Variants in PLCB4 observed in about 807,000 individuals in gnomAD.
The protein encoded by PLCB4 is 1-phosphatidylinositol 4,5-bisphosphate phosphodiesterase beta-4.
PLCB4 carries 77 observed loss-of-function variants against 178.8 expected under a neutral mutation model. The ratio of observed to expected loss-of-function variants is 0.43; its 90% CI spans 0.36 to 0.52. The LOEUF is 0.52. Among genes scored for constraint, PLCB4 ranks in the 20% least tolerant of loss-of-function variants. The pLI is 0.00. For synonymous variants in PLCB4, 496 were observed against 490.8 expected (o/e 1.01, Z -0.14); for missense variants, 1,024 against 1,453.4 (o/e 0.70, Z 4.80).
At chr20:9,307,546 C>CACACAT (rs1568560028) in intron 3 of PLCB4, among the ~76,000 whole-genome samples, 9 of 140,156 alleles carry the variant, frequency 6.4e-5, no homozygotes, top group Non-Finnish European at 6.2e-5. Flanking sequence ...CACACACACA[C>CACACAT]ATCTTGTTAT....
At chr20:9,428,836 T>C (rs1196091602) in intron 28 of PLCB4, among the ~76,000 whole-genome samples, 2 of 152,054 alleles carry the variant, frequency 1.3e-5, no homozygotes, top group African/African-American at 4.8e-5. Flanking sequence ...AAAGCATTGG[T>C]TAAACAAACG....
At position 9,248,344 on chromosome 20, in the gene PLCB4, CT is replaced by C. The variant is rs1385430699; in HGVS notation, c.-16+30895del. 4.6e-5 allele frequency among the ~76,000 whole-genome samples: 7 copies of C among 152,148 alleles called. No individual in the cohort carries two copies. The East Asian group carries it at 1.4e-3, about 29-fold the overall frequency. On this transcript the variant is annotated intron_variant, in intron 3 of 39. Transcript: ENST00000378473. ...TCTTCAGGCCATCTAAATCCTCTGACTTTGAGGTTTTTTGATTTGGTTGAAA... is the reference window on the plus strand; with the variant it reads ...TCTTCAGGCCATCTAAATCCTCTGACTTGAGGTTTTTTGATTTGGTTGAAA...
intron 4 of PLCB4, among the ~76,000 whole-genome samples, chr20:9,323,220 T>C (rs2029862491): frequency 6.6e-6 from 1 of 152,236 alleles, no homozygotes; most frequent in Non-Finnish European, 1.5e-5. Flanking sequence ...TACTCTCCTC[T>C]GTACAGTCCT....
intron 3 of PLCB4, 95 bp from the exon 4 acceptor site, chr20:9,307,705 T>G: frequency 1.9e-6 from 1 of 532,934 alleles, no homozygotes; most frequent in Non-Finnish European, 3.3e-6. Flanking sequence ...ATATTTAAAG[T>G]AAATCTTCTG....
At chr20:9,199,877 A>T (rs976706436) in intron 2 of PLCB4, among the ~76,000 whole-genome samples, 9 of 146,008 alleles carry the variant, frequency 6.2e-5, no homozygotes, top group African/African-American at 2.3e-4. Context: ...ATTAATCTTC[A>T]TCTATTTACA....
chr20:9,278,352 C>A (rs1200902027), intron 3 of PLCB4, among the ~76,000 whole-genome samples: 2 of 151,956 alleles, frequency 1.3e-5, no homozygotes, highest in Non-Finnish European at 2.9e-5. Flanking sequence ...GGTTTCCAGA[C>A]CAGATTTGAT....
intron 33 of PLCB4, among the ~76,000 whole-genome samples, chr20:9,454,711 A>G (rs2042958774): frequency 6.6e-6 from 1 of 152,226 alleles, no homozygotes; most frequent in South Asian, 2.1e-4. Flanking sequence ...CCAAGATCTA[A>G]GTTCATGACA....
chr20:9,413,673 A>AG (rs2040031795), intron 25 of PLCB4, among the ~76,000 whole-genome samples: 1 of 151,758 alleles, frequency 6.6e-6, no homozygotes, highest in South Asian at 2.1e-4. Flanking sequence ...AAAAAAAAAA[A>AG]AAAAGTCCTG....
At chr20:9,471,269 A>G (rs2044172887) in intron 36 of PLCB4, among the ~76,000 whole-genome samples, 1 of 152,206 alleles carries the variant, frequency 6.6e-6, no homozygotes. Context: ...GAACCCAAAG[A>G]TCTCTGATGG....
chr20:9,085,052 CAA>C (rs11474540), intron 1 of PLCB4, among the ~76,000 whole-genome samples: 7 of 41,360 alleles, frequency 1.7e-4, no homozygotes, highest in Admixed American at 2.4e-4. Flanking sequence ...GACTCCATCT[CAA>C]AAAAAAAAAA....
At chr20:9,456,859 A>G (rs1443589122) in intron 33 of PLCB4, among the ~76,000 whole-genome samples, 2 of 152,202 alleles carry the variant, frequency 1.3e-5, no homozygotes, top group Non-Finnish European at 2.9e-5. Flanking sequence ...CGATGTGGAT[A>G]TTCCAAAAGG....
At chr20:9,390,767 A>T (rs1310339244) in intron 17 of PLCB4, 152 bp downstream of exon 17, 6 of 492,782 alleles carry the variant, frequency 1.2e-5, no homozygotes, top group Non-Finnish European at 2.2e-5. Context: ...CTTCAGAGGG[A>T]TGTAAAGAGA....
intron 1 of PLCB4, among the ~76,000 whole-genome samples, chr20:9,076,791 T>C (rs73895488): frequency 0.016 from 2,387 of 152,004 alleles, 46 homozygotes; most frequent in African/African-American, 0.054. Flanking sequence ...GATGCTATTA[T>C]TGGACAAATC....
intron 9 of PLCB4, among the ~76,000 whole-genome samples, chr20:9,370,636 T>C (rs1298849465): frequency 2.6e-5 from 4 of 152,082 alleles, no homozygotes; most frequent in Non-Finnish European, 5.9e-5. Flanking sequence ...GGCCAGGCGC[T>C]GTGGCTCATG....
intron 2 of PLCB4, among the ~76,000 whole-genome samples, chr20:9,131,159 T>C (rs535973686): frequency 6.6e-6 from 1 of 152,296 alleles, no homozygotes; most frequent in Non-Finnish European, 1.5e-5. Flanking sequence ...ATCAGTTCTT[T>C]CTGTTTAGCT....
intron 28 of PLCB4, among the ~76,000 whole-genome samples, chr20:9,426,737 T>A (rs1346653741): frequency 1.3e-5 from 2 of 151,972 alleles, no homozygotes; most frequent in Non-Finnish European, 2.9e-5. Flanking sequence ...GAATTCTAAT[T>A]TTTTTTTAGA....
At chr20:9,346,638 T>C (rs780161268) in intron 7 of PLCB4, among the ~76,000 whole-genome samples, 7 of 152,198 alleles carry the variant, frequency 4.6e-5, no homozygotes, top group Non-Finnish European at 8.8e-5. Context: ...ATTGTTTTTC[T>C]TGAAGCTCTT....
At chr20:9,148,350 A>G (rs2092634673) in intron 2 of PLCB4, among the ~76,000 whole-genome samples, 1 of 152,106 alleles carries the variant, frequency 6.6e-6, no homozygotes, top group Non-Finnish European at 1.5e-5. Flanking sequence ...TTCCTCCTGG[A>G]GGAAATGAAA....
At position 9,395,693 on chromosome 20, in the gene PLCB4, G is replaced by A. The variant is rs1338360230; in HGVS notation, c.1510+75G>A. 1.4e-5 allele frequency: 15 copies of A among 1,080,134 alleles called. No individual in the cohort carries two copies. The Admixed American group carries it at 2.6e-4, about 19-fold the overall frequency. 66.9% of individuals were successfully genotyped at this position (1,080,134 alleles called of 1,614,324 possible). On this transcript the variant is annotated intron_variant, in intron 19 of 39. Transcript: ENST00000378473. The stretch of plus-strand genomic sequence containing the variant: ...AAATAAGAAAACCAGGCTGGGCACA[G>A]TGGCTCAAGCCCATAATCCCAGCAC...
Sources: allele counts gnomAD v4.1 joint callset (sites outside exome capture counted in the v4.1 genomes callset), GRCh38; gene constraint gnomAD v4.1.1; transcripts MANE v1.5; gene names NCBI Gene and HGNC (gene_info 2026-07-23, HGNC 2026-07-21).